The following KDM5A variants were observed in gnomAD, a reference collection of about 807,000 sequenced individuals.
KDM5A encodes the protein lysine-specific demethylase 5A.
A neutral mutation model predicts 193.5 loss-of-function variants in KDM5A; 42 were observed. The observed-to-expected ratio is 0.22, with a 90% confidence interval of 0.17 to 0.28. The LOEUF is 0.28. Ranked by LOEUF, KDM5A falls within the 10% of genes least tolerant of loss-of-function variation. KDM5A has a pLI of 1.00. For missense variants in KDM5A, 1,692 were observed against 2,055.1 expected (o/e 0.82, Z 3.42); for synonymous variants, 796 against 718.1 (o/e 1.11, Z -1.73).
At chr12:346,978 C>T (rs1404994872) in intron 10 of KDM5A, among the ~76,000 whole-genome samples, 2 of 152,162 alleles carry the variant, frequency 1.3e-5, no homozygotes, top group Admixed American at 1.3e-4. Context: ...GTCAAATTGT[C>T]CCTGTTTGCA....
intron 19 of KDM5A, among the ~76,000 whole-genome samples, chr12:316,428 A>T (rs1591909578): frequency 6.6e-6 from 1 of 152,230 alleles, no homozygotes; most frequent in South Asian, 2.1e-4. Flanking sequence ...TCAAATATCA[A>T]GGTAAAATAT....
At chr12:350,479 C>A in intron 10 of KDM5A, 142 bp downstream of exon 10, 10 of 669,700 alleles carry the variant, frequency 1.5e-5, no homozygotes, top group Non-Finnish European at 2.3e-5. Context: ...ATTCTGAATT[C>A]TTCGTTTTCA....
intron 10 of KDM5A, among the ~76,000 whole-genome samples, chr12:341,022 T>C (rs1453156417): frequency 6.6e-6 from 1 of 152,234 alleles, no homozygotes; most frequent in African/African-American, 2.4e-5. Flanking sequence ...GGAGGCAGGA[T>C]TACTATTTAC....
chr12:309,297 T>C (rs1237595660), intron 22 of KDM5A, among the ~76,000 whole-genome samples: 6 of 152,246 alleles, frequency 3.9e-5, no homozygotes, highest in African/African-American at 1.4e-4. Flanking sequence ...TTTTTATTAC[T>C]CTTTCTTAAA....
chr12:318,496 CA>C (rs1565532192), intron 18 of KDM5A, 35 bp from the exon 19 acceptor site: 1 of 1,503,378 alleles, frequency 6.7e-7, no homozygotes, highest in South Asian at 1.1e-5. Context: ...ATCAGAAAAA[CA>C]AATTTAAAAC....
rs200456793 is a variant in KDM5A at position 386,045 on chromosome 12, AG to A, written c.166-72del. 135 of 1,231,496 alleles carry A rather than the reference AG, an allele frequency of 1.1e-4. 1 individual carries two copies. The highest frequency in any genetic ancestry group is 9.4e-4 in the Middle Eastern group (5 of 5,334). The allele number at this position is 1,231,496 out of a possible 1,614,324, so 76.3% of individuals were successfully genotyped here. On this transcript the variant is annotated intron_variant, in intron 1 of 27. Transcript: ENST00000399788. ...AGGAATGCATTAATTATTCCCTTAAAGGGGGGTTTTGCCACAAATCATGGTG... is the reference window on the plus strand; with the variant it reads ...AGGAATGCATTAATTATTCCCTTAAAGGGGGTTTTGCCACAAATCATGGTG...
In KDM5A at chr12:354,375, T is replaced by C. The variant is rs1032423363; in HGVS notation, c.871-141A>G. 13 of 659,736 alleles carry C rather than the reference T, an allele frequency of 2.0e-5. No individual in the cohort carries two copies. The East Asian group carries it at 3.1e-4, about 16-fold the overall frequency. The allele number at this position is 659,736 out of a possible 1,614,324, so 40.9% of individuals were successfully genotyped here. A position where few individuals can be genotyped will look rare whatever the true frequency, so the allele number is the denominator to read the frequency against. ...AATCCTGAATGTCTATTTCAAGTAA[T>C]TGTATTTAAACAGCTTTTCATAAAA... On this transcript the variant is annotated intron_variant, in intron 7 of 27. Coordinates refer to ENST00000399788, the MANE Select transcript of KDM5A (RefSeq NM_001042603.3).
intron 3 of KDM5A, among the ~76,000 whole-genome samples, chr12:372,595 C>A (rs998983605): frequency 6.6e-6 from 1 of 152,146 alleles, no homozygotes; most frequent in African/African-American, 2.4e-5. Context: ...CTTTTTCCTG[C>A]CTGACTGCCC....
chr12:314,363 T>C (rs7979185), intron 19 of KDM5A, among the ~76,000 whole-genome samples: 5,211 of 151,906 alleles, frequency 0.034, 290 homozygotes, highest in African/African-American at 0.12. Flanking sequence ...GCCCGGCTAA[T>C]TTTTTGTATT....
At chr12:356,374 G>GA in intron 6 of KDM5A, 58 bp downstream of exon 6, 2 of 1,089,576 alleles carry the variant, frequency 1.8e-6, no homozygotes, top group South Asian at 2.6e-5. Flanking sequence ...TATCATTTGA[G>GA]TTTTTTTACA....
chr12:373,504 A>G (rs974604554), intron 3 of KDM5A, among the ~76,000 whole-genome samples: 16 of 151,958 alleles, frequency 1.1e-4, no homozygotes, highest in African/African-American at 3.4e-4. Flanking sequence ...TGGTCTATCA[A>G]TTTTGTTGAT....
rs1448813620 is a variant in KDM5A, at chr12:332,010, T to C, written c.1654-72A>G. ...AACAAACAGAGGAAGACAGATTTTA[T>C]TAGATAATTTCAGATGCATTTTCTA... On this transcript the variant is annotated intron_variant, in intron 12 of 27. Transcript: ENST00000399788. 3.0e-5 allele frequency: 42 copies of C among 1,409,984 alleles called. No homozygotes were observed. The South Asian group carries it at 5.1e-4, about 17-fold the overall frequency. 87.3% of individuals were successfully genotyped at this position (1,409,984 alleles called of 1,614,324 possible). A position where few individuals can be genotyped will look rare whatever the true frequency, so the allele number is the denominator to read the frequency against.
intron 10 of KDM5A, among the ~76,000 whole-genome samples, chr12:334,807 T>C (rs1943906244): frequency 6.6e-6 from 1 of 152,142 alleles, no homozygotes; most frequent in African/African-American, 2.4e-5. Context: ...TGCTAGATAC[T>C]GTAAAGACAA....
chr12:367,788 G>A (rs1944375858), intron 3 of KDM5A, among the ~76,000 whole-genome samples: 1 of 151,906 alleles, frequency 6.6e-6, no homozygotes, highest in Admixed American at 6.6e-5. Flanking sequence ...GTTGAACCCA[G>A]GAGATCAAGG....
chr12:354,680 T>C (rs1944209154), intron 7 of KDM5A, among the ~76,000 whole-genome samples: 1 of 151,630 alleles, frequency 6.6e-6, no homozygotes, highest in African/African-American at 2.4e-5. Flanking sequence ...GGCAGGAGAA[T>C]GGCATGAGCC....
intron 14 of KDM5A, among the ~76,000 whole-genome samples, chr12:326,745 C>T (rs1186004754): frequency 6.6e-6 from 1 of 151,868 alleles, no homozygotes; most frequent in Admixed American, 6.6e-5. Context: ...CCTGTAGTCC[C>T]AGCTACTCGG....
chr12:347,944 A>C (rs1340447449), intron 10 of KDM5A, among the ~76,000 whole-genome samples: 1 of 152,266 alleles, frequency 6.6e-6, no homozygotes, highest in Non-Finnish European at 1.5e-5. Context: ...GCTTCTGTAC[A>C]GCAAAAGAAA....
chr12:289,711 T>C (rs142235240), intron 27 of KDM5A, among the ~76,000 whole-genome samples: 122 of 93,070 alleles, frequency 1.3e-3, no homozygotes, highest in East Asian at 7.3e-3. Flanking sequence ...TAGGACCCTG[T>C]CTCAAAAAAA....
At chr12:336,043 CAAAAAAAA>C (rs753624871) in intron 10 of KDM5A, among the ~76,000 whole-genome samples, 3 of 42,018 alleles carry the variant, frequency 7.1e-5, no homozygotes, top group African/African-American at 2.0e-4. Context: ...TACTTCATCT[CAAAAAAAA>C]AAAAAAAAAA....
Sources: gnomAD v4.1 joint callset for allele counts (sites outside exome capture counted in the v4.1 genomes callset) on GRCh38, gnomAD v4.1.1 for gene constraint, MANE v1.5 for transcripts, NCBI Gene and HGNC (gene_info 2026-07-23, HGNC 2026-07-21) for gene names.